TMEM131: variants seen among roughly 807,000 people sequenced by gnomAD.
TMEM131 encodes transmembrane protein 131.
TMEM131 carries 66 observed loss-of-function variants against 211.6 expected under a neutral mutation model. The observed-to-expected ratio is 0.31, with a 90% CI of 0.26 to 0.38. TMEM131 has a LOEUF of 0.38. Among genes scored for constraint, TMEM131 ranks in the 10% least tolerant of loss-of-function variants. The pLI, the probability that TMEM131 is intolerant of heterozygous loss-of-function variation, is 1.00. For synonymous variants in TMEM131, 844 were observed against 841.3 expected (o/e 1.00, Z -0.06); for missense variants, 2,036 against 2,299.3 (o/e 0.89, Z 2.34).
intron 19 of TMEM131, among the ~76,000 whole-genome samples, chr2:97,806,899 G>A (rs992835148): frequency 1.3e-5 from 2 of 152,126 alleles, no homozygotes; most frequent in African/African-American, 2.4e-5. Flanking sequence ...TAAAACACCC[G>A]ACAGCCAGCA....
At chr2:97,836,581 A>C (rs1342169868) in intron 8 of TMEM131, among the ~76,000 whole-genome samples, 2 of 152,252 alleles carry the variant, frequency 1.3e-5, no homozygotes, top group Admixed American at 1.3e-4. Context: ...AACACAGATC[A>C]CCTTCAAGAA....
chr2:97,874,294 C>CA (rs1440310377), intron 4 of TMEM131, among the ~76,000 whole-genome samples: 1 of 152,202 alleles, frequency 6.6e-6, no homozygotes, highest in African/African-American at 2.4e-5. Flanking sequence ...AGCTAGAAAA[C>CA]ACTCTTCAGG....
At chr2:97,928,150 C>T (rs1677067052) in intron 1 of TMEM131, among the ~76,000 whole-genome samples, 2 of 152,142 alleles carry the variant, frequency 1.3e-5, no homozygotes, top group South Asian at 4.1e-4. Context: ...TCACCAAAAT[C>T]TGGGCATAGT....
intron 4 of TMEM131, among the ~76,000 whole-genome samples, chr2:97,884,567 A>T (rs548152131): frequency 6.6e-6 from 1 of 152,298 alleles, no homozygotes; most frequent in East Asian, 1.9e-4. Context: ...CTCTCCCTTT[A>T]GATCTAATAG....
intron 1 of TMEM131, among the ~76,000 whole-genome samples, chr2:97,939,913 G>C (rs1677637745): frequency 6.6e-6 from 1 of 152,140 alleles, no homozygotes; most frequent in Non-Finnish European, 1.5e-5. Context: ...CAGAACCAAA[G>C]ACAAAAACTA....
At chr2:97,889,614 T>C (rs1675299177) in intron 3 of TMEM131, among the ~76,000 whole-genome samples, 1 of 149,426 alleles carries the variant, frequency 6.7e-6, no homozygotes, top group Non-Finnish European at 1.5e-5. Context: ...ATATATAATA[T>C]ATAATTCCTA....
At chr2:97,921,462 A>C (rs1318843548) in intron 2 of TMEM131, among the ~76,000 whole-genome samples, 1 of 152,234 alleles carries the variant, frequency 6.6e-6, no homozygotes, top group African/African-American at 2.4e-5. Context: ...ACACAAAATA[A>C]AAAAGTATTA....
intron 5 of TMEM131, among the ~76,000 whole-genome samples, chr2:97,852,109 G>A (rs1163229480): frequency 6.6e-6 from 1 of 151,772 alleles, no homozygotes; most frequent in Non-Finnish European, 1.5e-5. Context: ...ATTGCTGATA[G>A]GGATAAAGCT....
At chr2:97,830,764 A>G (rs557252009) in intron 11 of TMEM131, among the ~76,000 whole-genome samples, 1 of 152,316 alleles carries the variant, frequency 6.6e-6, no homozygotes, top group South Asian at 2.1e-4. Context: ...ACATATTAGG[A>G]GAGTTTGGAC....
intron 7 of TMEM131, among the ~76,000 whole-genome samples, chr2:97,841,203 T>C (rs949805877): frequency 6.6e-6 from 1 of 152,138 alleles, no homozygotes; most frequent in Admixed American, 6.5e-5. Context: ...GGATGTAAGG[T>C]AGAGATTTCA....
intron 1 of TMEM131, among the ~76,000 whole-genome samples, chr2:97,987,636 T>A (rs1216272015): frequency 6.6e-6 from 1 of 152,214 alleles, no homozygotes; most frequent in Non-Finnish European, 1.5e-5. Context: ...GTTTCAAATA[T>A]GGAGTGTTTA....
intron 28 of TMEM131, among the ~76,000 whole-genome samples, chr2:97,795,686 T>C (rs1157335770): frequency 6.6e-6 from 1 of 152,218 alleles, no homozygotes. Context: ...CTAAATTAAA[T>C]ATTCAATTAA....
intron 1 of TMEM131, among the ~76,000 whole-genome samples, chr2:97,977,213 T>A (rs1340001554): frequency 2.6e-5 from 4 of 152,218 alleles, no homozygotes; most frequent in Admixed American, 1.3e-4. Flanking sequence ...AAGACTGTTA[T>A]GAGAATAAAA....
chr2:97,821,454 A>G (rs761268900), intron 11 of TMEM131, among the ~76,000 whole-genome samples: 2 of 152,166 alleles, frequency 1.3e-5, no homozygotes, highest in African/African-American at 2.4e-5. Flanking sequence ...GTCCCTTTCT[A>G]GGCTGTGGAA....
chr2:97,947,476 A>T (rs1011484862), intron 1 of TMEM131, among the ~76,000 whole-genome samples: 1 of 152,112 alleles, frequency 6.6e-6, no homozygotes, highest in African/African-American at 2.4e-5. Context: ...AACAACTGGA[A>T]AATAAAAATC....
Position 97,989,042 on chromosome 2 carries a change from G to C in TMEM131, c.187+6434C>G, listed in dbSNP as rs1206587820. 3.3e-5 allele frequency among the ~76,000 whole-genome samples: 5 copies of C among 151,794 alleles called. No individual in the cohort carries two copies. The East Asian group carries it at 9.6e-4, about 29-fold the overall frequency. ...ATGGATGAATGGATAAACAAAATGT[G>C]GTATATCCATACAATGGAATATAAT... On this transcript the variant is annotated intron_variant, in intron 1 of 40. Transcript: ENST00000186436.
At chr2:97,857,569 G>A (rs955136679) in intron 5 of TMEM131, among the ~76,000 whole-genome samples, 1 of 152,200 alleles carries the variant, frequency 6.6e-6, no homozygotes, top group Non-Finnish European at 1.5e-5. Flanking sequence ...TTTTTTAACT[G>A]ATTCCATTTT....
At chr2:97,826,115 G>C (rs1682370864) in intron 11 of TMEM131, among the ~76,000 whole-genome samples, 1 of 152,160 alleles carries the variant, frequency 6.6e-6, no homozygotes, top group Non-Finnish European at 1.5e-5. Flanking sequence ...AGCTAATCCT[G>C]AACTTAACCT....
At chr2:97,942,500 A>AG (rs1677785309) in intron 1 of TMEM131, among the ~76,000 whole-genome samples, 1 of 67,286 alleles carries the variant, frequency 1.5e-5, no homozygotes, top group Non-Finnish European at 3.6e-5. Flanking sequence ...TACAAAAAAA[A>AG]AGAAAAGAAA....
Sources: gnomAD v4.1 joint callset for allele counts (sites outside exome capture counted in the v4.1 genomes callset) on GRCh38, gnomAD v4.1.1 for gene constraint, MANE v1.5 for transcripts, NCBI Gene and HGNC (gene_info 2026-07-23, HGNC 2026-07-21) for gene names.